NSUN2: variants seen among roughly 807,000 people sequenced by gnomAD.
NSUN2 encodes RNA cytosine C(5)-methyltransferase NSUN2.
In NSUN2, 63 loss-of-function variants were observed where a neutral mutation model predicts 92.7. The observed-to-expected ratio is 0.68, with a 90% CI of 0.56 to 0.84. The LOEUF (loss-of-function observed/expected upper bound fraction) is 0.84. Among genes scored for constraint, NSUN2 ranks in the 40% least tolerant of loss-of-function variants. The pLI is 0.00. For synonymous variants in NSUN2, 356 were observed against 348.3 expected (o/e 1.02, Z -0.25); for missense variants, 989 against 964.9 (o/e 1.02, Z -0.33).
At chr5:6,619,200 A>G (rs955627898) in intron 7 of NSUN2, among the ~76,000 whole-genome samples, 2 of 152,230 alleles carry the variant, frequency 1.3e-5, no homozygotes, top group Non-Finnish European at 2.9e-5. Context: ...GATGTATTTT[A>G]AATTTTACTT....
intron 9 of NSUN2, among the ~76,000 whole-genome samples, chr5:6,615,678 C>A (rs1234196764): frequency 6.6e-6 from 1 of 152,224 alleles, no homozygotes; most frequent in African/African-American, 2.4e-5. Flanking sequence ...GGGAGCCTCA[C>A]TGGAAGGACA....
rs759455426 is a variant in NSUN2 at position 6,599,829 on chromosome 5, G to A, written c.*97C>T. The A allele has an allele frequency of 1.9e-6, 2 of 1,066,050 alleles. No individual in the cohort carries two copies. Among genetic ancestry groups the A allele is most frequent in the African/African-American group, 3.1e-5 (2 of 63,844 alleles). The allele number at this position is 1,066,050 out of a possible 1,614,324, so 66.0% of individuals were successfully genotyped here. A position where few individuals can be genotyped will look rare whatever the true frequency, so the allele number is the denominator to read the frequency against. On this transcript the variant is annotated 3_prime_UTR_variant, in exon 19 of 19. Transcript: ENST00000264670. ...AGTCATTAGAAATATATGCTTTACA[G>A]GCCACAGGCTGCTCTGGATTTGGTT...
At chr5:6,602,040 G>A (rs528443255) in intron 18 of NSUN2, among the ~76,000 whole-genome samples, 1 of 152,308 alleles carries the variant, frequency 6.6e-6, no homozygotes, top group East Asian at 1.9e-4. Context: ...GCAAGCGTGA[G>A]CAAATCCCAT....
intron 17 of NSUN2, 148 bp downstream of exon 17, chr5:6,603,990 G>A (rs957002738): frequency 7.5e-5 from 53 of 709,064 alleles, no homozygotes; most frequent in Non-Finnish European, 1.1e-4. Context: ...GTCAATCAGG[G>A]ATCTACAGAA....
chr5:6,631,922 C>A lies in NSUN2; in HGVS notation c.310G>T (p.Asp104Tyr). The A allele has an allele frequency of 1.2e-6, 2 of 1,614,126 alleles. No homozygotes were observed. The highest frequency in any genetic ancestry group is 1.7e-6 in the Non-Finnish European group (2 of 1,179,994). ...LKNKYFKELE[D>Y]LEVDGQKVEV... ...ACTTTCTGACCGTCCACCTCCAGGT[C>A]CTCCAATTCCTTAAAATATTTGTTC... The change falls in exon 3 of 19, where the codon GAC becomes TAC. Residue 104 changes from aspartate (D) to tyrosine (Y), a missense_variant. This residue lies in a region of NSUN2 where 356 missense variants were observed against 338.6 expected (regional missense o/e 1.05). Transcript: ENST00000264670.
Position 6,603,220 on chromosome 5 carries a change from G to A in NSUN2, c.1958-720C>T, listed in dbSNP as rs144531000. Among the ~76,000 whole-genome samples, 1,418 of 152,316 alleles carry A rather than the reference G, an allele frequency of 9.3e-3. 19 individuals carry two copies. Among genetic ancestry groups the A allele is most frequent in the African/African-American group, 0.032 (1,334 of 41,574 alleles). On this transcript the variant is annotated intron_variant, in intron 17 of 18. Coordinates refer to ENST00000264670, the MANE Select transcript of NSUN2 (RefSeq NM_017755.6). ...ATGATTTTTATGCTTAGGGGAAAAC[G>A]TCACTGGAGTGATCTGAAGTGGAAG...
In NSUN2 at chr5:6,599,783, C is replaced by G; in HGVS notation, c.*143G>C. ...AGCAGTCCTGGTCATTCAGAAGGCT[C>G]CTATGATCCCACCAGTCTGCAGTCA... On this transcript the variant is annotated 3_prime_UTR_variant, in exon 19 of 19. Transcript: ENST00000264670. 1 of 713,144 alleles carries G rather than the reference C, an allele frequency of 1.4e-6. No individual in the cohort carries two copies. The highest frequency in any genetic ancestry group is 2.4e-6 in the Non-Finnish European group (1 of 415,108). 44.2% of individuals were successfully genotyped at this position (713,144 alleles called of 1,614,324 possible).
chr5:6,606,130 C>CCA (rs1736759632), intron 14 of NSUN2, among the ~76,000 whole-genome samples: 1 of 152,200 alleles, frequency 6.6e-6, no homozygotes, highest in Non-Finnish European at 1.5e-5. Flanking sequence ...CCTCTATATT[C>CCA]TGTCTATGTC....
At chr5:6,605,192 G>A in intron 15 of NSUN2, 81 bp downstream of exon 15, 1 of 1,569,344 alleles carries the variant, frequency 6.4e-7, no homozygotes. Flanking sequence ...GTCACGGTCT[G>A]CTCCAAATGA....
chr5:6,618,086 A>G (rs1737289186), intron 7 of NSUN2, 62 bp from the exon 8 acceptor site: 25 of 1,034,262 alleles, frequency 2.4e-5, no homozygotes, highest in Non-Finnish European at 3.5e-5. Context: ...ACTTTAACAG[A>G]TATGTCACAT....
At chr5:6,611,233 A>C (rs1186080584) in intron 10 of NSUN2, 148 bp from the exon 11 acceptor site, 1 of 857,424 alleles carries the variant, frequency 1.2e-6, no homozygotes, top group Non-Finnish European at 1.7e-6. Flanking sequence ...AAGACAAAAC[A>C]AAACAATCTT....
chr5:6,616,877 G>T lies in NSUN2; in HGVS notation c.891-20C>A. The T allele has an allele frequency of 6.2e-7, 1 of 1,608,658 alleles. No homozygotes were observed. The highest frequency in any genetic ancestry group is 1.1e-5 in the South Asian group (1 of 89,980). The stretch of plus-strand genomic sequence containing the variant: ...TGTAAGCTAAGGGGAGATATCAGAT[G>T]ACTGCAAGGCCAAATGTATCCATGA... On this transcript the variant is annotated intron_variant, in intron 8 of 18. Transcript: ENST00000264670.
rs565334520 is a variant in NSUN2 at position 6,618,616 on chromosome 5, ATAG to A, written c.816-595_816-593del. On this transcript the variant is annotated intron_variant, in intron 7 of 18. Transcript: ENST00000264670. Reference sequence around the variant, plus strand: ...ATGAATAATGACTAATAAATTTTCCATAGTAATTTCAATTAAGCTAATATAATA... The same window carrying A: ...ATGAATAATGACTAATAAATTTTCCATAATTTCAATTAAGCTAATATAATA... Among the ~76,000 whole-genome samples, 187 of 152,356 alleles carry A rather than the reference ATAG, an allele frequency of 1.2e-3. 1 individual carries two copies. The highest frequency in any genetic ancestry group is 3.8e-3 in the African/African-American group (158 of 41,578).
chr5:6,616,489 G>A (rs1447509986), intron 9 of NSUN2, among the ~76,000 whole-genome samples: 1 of 152,100 alleles, frequency 6.6e-6, no homozygotes, highest in Non-Finnish European at 1.5e-5. Context: ...GTGGTGTGAG[G>A]GGCAGGGAAG....
In NSUN2 at chr5:6,616,776, G is replaced by A; in HGVS notation, c.972C>T (p.Asn324=). ...GRMVYSTCSL[N]PIEDEAVIAS... is the part of the protein sequence containing the mutation. Reference sequence around the variant, plus strand: ...CTATGACTGCTTCATCCTCAATAGGGTTTAGTGAACACGTGGAATACACCA... The same window carrying A: ...CTATGACTGCTTCATCCTCAATAGGATTTAGTGAACACGTGGAATACACCA... Residue 324 remains asparagine (N), a synonymous_variant, in exon 9 of 19, where the codon AAC becomes AAT. Coordinates refer to ENST00000264670, the MANE Select transcript of NSUN2 (RefSeq NM_017755.6). 1 of 1,558,080 alleles carries A rather than the reference G, an allele frequency of 6.4e-7. No individual in the cohort carries two copies. Among genetic ancestry groups the A allele is most frequent in the Non-Finnish European group, 8.7e-7 (1 of 1,154,652 alleles).
intron 9 of NSUN2, among the ~76,000 whole-genome samples, chr5:6,612,545 A>ATAGT (rs1395054589): frequency 6.6e-6 from 1 of 152,248 alleles, no homozygotes; most frequent in Non-Finnish European, 1.5e-5. Context: ...ACCAGCTACT[A>ATAGT]GCACAGATAC....
chr5:6,611,077 C>T lies in NSUN2; in HGVS notation c.1104G>A (p.Thr368=), dbSNP rs1395934240. 4 of 1,614,112 alleles carry T rather than the reference C, an allele frequency of 2.5e-6. No individual in the cohort carries two copies. The highest frequency in any genetic ancestry group is 2.2e-5 in the East Asian group (1 of 44,880). The stretch of plus-strand genomic sequence containing the variant: ...AGTCTGTAAACCACTGCCCATCTTT[C>T]GTCATTACCTGCAGAACCACAGGGT... ...MPGITQWKVM[T]KDGQWFTDWD... is the part of the protein sequence containing the mutation. The change falls in exon 11 of 19, where the codon ACG becomes ACA. Residue 368 remains threonine, a synonymous_variant. Transcript: ENST00000264670.
Position 6,604,614 on chromosome 5 carries a change from C to G in NSUN2, c.1809G>C (p.Leu603=), listed in dbSNP as rs774150623. 1.2e-6 allele frequency: 2 copies of G among 1,613,924 alleles called. No homozygotes were observed. Among genetic ancestry groups the G allele is most frequent in the African/African-American group, 1.3e-5 (1 of 74,902 alleles). The part of the protein sequence containing the change: ...SGEEFDCAFR[L]AQEGIYTLYP... ...CCACTTCCAAAATTACCTCCTGTGCCAGCCGGAAAGCACAGTCAAACTCTT... is the reference window on the plus strand; with the variant it reads ...CCACTTCCAAAATTACCTCCTGTGCGAGCCGGAAAGCACAGTCAAACTCTT... The change falls in exon 16 of 19, where the codon CTG becomes CTC. Residue 603 remains leucine (L), a synonymous_variant. Transcript: ENST00000264670.
chr5:6,618,041 T>TAAA lies in NSUN2; in HGVS notation c.816-18_816-17insTTT. ...CCGTCTCCACTGGAAAAAAGATATT[T>TAAA]ATGAGTGCAAAGCTCCCTACAGGTG... is the stretch of plus-strand genomic sequence containing the variant. On this transcript the variant is annotated splice_polypyrimidine_tract_variant and intron_variant, in intron 7 of 18. Transcript: ENST00000264670. 6.3e-7 allele frequency: 1 copy of TAAA among 1,597,486 alleles called. No individual in the cohort carries two copies. The highest frequency in any genetic ancestry group is 8.6e-7 in the Non-Finnish European group (1 of 1,165,212).
Sources: gnomAD v4.1 joint callset for allele counts (sites outside exome capture counted in the v4.1 genomes callset) on GRCh38, gnomAD v4.1.1 for gene constraint, gnomAD v4.1.1 regional missense constraint, MANE v1.5 for transcripts, NCBI Gene and HGNC (gene_info 2026-07-23, HGNC 2026-07-21) for gene names.